The following SEC14L6 variants were observed in gnomAD, a reference collection of about 807,000 sequenced individuals.
The protein encoded by SEC14L6 is SEC14-like protein 6.
Under a neutral mutation model 54.1 loss-of-function variants are expected in SEC14L6, and 40 were observed. That is an observed-to-expected ratio of 0.74 (90% CI 0.57 to 0.96). The LOEUF is 0.96. Among genes scored for constraint, SEC14L6 ranks in the 40% least tolerant of loss-of-function variants. The probability of loss-of-function intolerance (pLI) is 0.00; values close to 1 mark genes in which losing one functional copy is unlikely to be tolerated. For missense variants in SEC14L6, 471 were observed against 498.3 expected (o/e 0.95, Z 0.52); for synonymous variants, 171 against 198.4 (o/e 0.86, Z 1.16).
At chr22:30,529,395 C>T in intron 6 of SEC14L6, 46 bp from the exon 7 acceptor site, 2 of 1,447,348 alleles carry the variant, frequency 1.4e-6, no homozygotes, top group Non-Finnish European at 1.9e-6. Context: ...AACACTGTCC[C>T]CTTGCATCCC....
chr22:30,539,287 G>A (rs1394883544), intron 1 of SEC14L6, among the ~76,000 whole-genome samples: 1 of 152,136 alleles, frequency 6.6e-6, no homozygotes, highest in Admixed American at 6.5e-5. Flanking sequence ...TGAGGCAGGA[G>A]AATCGCTTAA....
rs1331280603 is a variant in SEC14L6 at position 30,543,141 on chromosome 22, C to T, written c.54+3488G>A. 8 of 1,603,702 alleles carry T rather than the reference C, an allele frequency of 5.0e-6. No homozygotes were observed. The Admixed American group carries it at 1.3e-4, about 27-fold the overall frequency. On this transcript the variant is annotated intron_variant, in intron 1 of 11. Transcript: ENST00000402034. ...AATGGTTCAAAAATGGGAATCAGCT[C>T]TCAGACTTCCAGACCAACGTGGACC... is the stretch of plus-strand genomic sequence containing the variant.
intron 1 of SEC14L6, chr22:30,543,264 C>G: frequency 6.3e-7 from 1 of 1,589,438 alleles, no homozygotes; most frequent in Non-Finnish European, 8.6e-7. Context: ...AGGTGGCCCA[C>G]GTCACCTTGC....
intron 1 of SEC14L6, chr22:30,543,077 G>C: frequency 1.3e-6 from 2 of 1,599,360 alleles, no homozygotes; most frequent in African/African-American, 1.3e-5. Flanking sequence ...AGCTTCACCT[G>C]CGAGTCTCAT....
At chr22:30,540,281 A>C (rs2085675585) in intron 1 of SEC14L6, among the ~76,000 whole-genome samples, 1 of 151,208 alleles carries the variant, frequency 6.6e-6, no homozygotes, top group African/African-American at 2.4e-5. Context: ...TCAATTTCTG[A>C]CTTCAATTGT....
At chr22:30,530,172 G>A (rs1052388349) in intron 6 of SEC14L6, among the ~76,000 whole-genome samples, 1 of 152,098 alleles carries the variant, frequency 6.6e-6, no homozygotes, top group Non-Finnish European at 1.5e-5. Flanking sequence ...AGCACTTTGG[G>A]AGGCCAAAGT....
At chr22:30,527,139 C>G (rs1396806355) in intron 8 of SEC14L6, among the ~76,000 whole-genome samples, 1 of 151,176 alleles carries the variant, frequency 6.6e-6, no homozygotes, top group East Asian at 1.9e-4. Flanking sequence ...GTATATATCT[C>G]AAATATATAC....
At chr22:30,533,758 C>A (rs1232861763) in intron 3 of SEC14L6, among the ~76,000 whole-genome samples, 1 of 152,132 alleles carries the variant, frequency 6.6e-6, no homozygotes, top group African/African-American at 2.4e-5. Flanking sequence ...GTTTTGCTGT[C>A]TTCATTGTAC....
chr22:30,533,411 G>GCCAACATGGTGAAA (rs1937048025), intron 3 of SEC14L6, among the ~76,000 whole-genome samples: 1 of 152,112 alleles, frequency 6.6e-6, no homozygotes, highest in Admixed American at 6.6e-5. Flanking sequence ...GACCAGCCTG[G>GCCAACATGGTGAAA]CCAACATGGT....
intron 8 of SEC14L6, 127 bp from the exon 9 acceptor site, chr22:30,526,059 T>G: frequency 9.1e-7 from 1 of 1,098,794 alleles, no homozygotes; most frequent in Non-Finnish European, 1.3e-6. Flanking sequence ...GCCACTCCAT[T>G]GCCTAGAGCA....
At chr22:30,526,119 G>A (rs1273420702) in intron 8 of SEC14L6, among the ~76,000 whole-genome samples, 187 bp from the exon 9 acceptor site, 5 of 152,178 alleles carry the variant, frequency 3.3e-5, no homozygotes, top group Non-Finnish European at 5.9e-5. Flanking sequence ...TTGTCCTGGG[G>A]CTCAGCATGT....
intron 5 of SEC14L6, 24 bp downstream of exon 5, chr22:30,532,501 C>A (rs1055702009): frequency 2.6e-6 from 4 of 1,532,798 alleles, no homozygotes; most frequent in African/African-American, 2.7e-5. Flanking sequence ...CCGGCTGCAG[C>A]TGCCCAGGGT....
At chr22:30,540,949 G>A (rs7289848) in intron 1 of SEC14L6, among the ~76,000 whole-genome samples, 4,755 of 151,538 alleles carry the variant, frequency 0.031, 98 homozygotes, top group Middle Eastern at 0.072. Context: ...AACCCAGAGA[G>A]CGGAGGCTGC....
intron 1 of SEC14L6, 106 bp downstream of exon 1, chr22:30,546,523 C>T (rs999008327): frequency 7.6e-6 from 8 of 1,058,022 alleles, no homozygotes; most frequent in Non-Finnish European, 1.1e-5. Context: ...TGGGAAGAGA[C>T]CCAGAGCTGG....
In SEC14L6 at chr22:30,524,133, C is replaced by A. The variant is rs117039473; in HGVS notation, c.*864G>T. 0.013 allele frequency: 1,989 copies of A among 152,282 alleles called. 20 individuals carry two copies. Among genetic ancestry groups the A allele is most frequent in the Non-Finnish European group, 0.021 (1,454 of 68,028 alleles). The allele number at this position is 152,282 out of a possible 1,614,324, so 9.4% of individuals were successfully genotyped here. On this transcript the variant is annotated 3_prime_UTR_variant, in exon 12 of 12. Coordinates refer to ENST00000402034, the MANE Select transcript of SEC14L6 (RefSeq NM_001193336.4). ...TTCAAACTAGCAAATCTCAAGCCTGCTTACCCTGCCTCACCAGTTCCTTCC... is the reference window on the plus strand; with the variant it reads ...TTCAAACTAGCAAATCTCAAGCCTGATTACCCTGCCTCACCAGTTCCTTCC...
intron 8 of SEC14L6, among the ~76,000 whole-genome samples, chr22:30,528,154 GCT>G (rs1347472334): frequency 2.3e-5 from 3 of 129,814 alleles, no homozygotes; most frequent in African/African-American, 9.0e-5. Flanking sequence ...ACAAAGTCTA[GCT>G]CTGTCACCCA....
chr22:30,533,977 G>A lies in SEC14L6; in HGVS notation c.174+19C>T. The A allele has an allele frequency of 6.5e-7, 1 of 1,549,596 alleles. No individual in the cohort carries two copies. The highest frequency in any genetic ancestry group is 8.7e-7 in the Non-Finnish European group (1 of 1,146,042). ...TAGGAAACAGGACCAGGCTAGGCAG[G>A]GGGAGGTGTCAACCTCACCTTCCTC... On this transcript the variant is annotated intron_variant, in intron 3 of 11. Transcript: ENST00000402034.
In SEC14L6 at chr22:30,529,272, T is replaced by C; in HGVS notation, c.580+17A>G. 6.5e-7 allele frequency: 1 copy of C among 1,550,108 alleles called. No individual in the cohort carries two copies. The highest frequency in any genetic ancestry group is 8.7e-7 in the Non-Finnish European group (1 of 1,146,526). On this transcript the variant is annotated intron_variant, in intron 7 of 11. Coordinates refer to ENST00000402034, the MANE Select transcript of SEC14L6 (RefSeq NM_001193336.4). ...CTGTCCCCCCAACTCATGCATATCCTGGGCTGCTTTACTCACCTCTCACAA... is the reference window on the plus strand; with the variant it reads ...CTGTCCCCCCAACTCATGCATATCCCGGGCTGCTTTACTCACCTCTCACAA...
At chr22:30,544,173 C>T (rs1049422699) in intron 1 of SEC14L6, 15 of 950,186 alleles carry the variant, frequency 1.6e-5, no homozygotes, top group East Asian at 7.7e-5. Context: ...GCCCAGTTCC[C>T]GGAGGGCTGG....
Sources: gnomAD v4.1 joint callset for allele counts (sites outside exome capture counted in the v4.1 genomes callset) on GRCh38, gnomAD v4.1.1 for gene constraint, MANE v1.5 for transcripts, NCBI Gene and HGNC (gene_info 2026-07-23, HGNC 2026-07-21) for gene names.